The following CBFB variants were observed in gnomAD, a reference collection of about 807,000 sequenced individuals.
CBFB encodes the protein core-binding factor subunit beta, also known as CBF-beta.
A neutral mutation model predicts 30.4 loss-of-function variants in CBFB; 9 were observed. The ratio of observed to expected loss-of-function variants is 0.30; its 90% confidence interval spans 0.18 to 0.52. CBFB has a LOEUF of 0.52. Ranked by LOEUF, CBFB falls within the 20% of genes least tolerant of loss-of-function variation. The pLI is 0.97. For synonymous variants in CBFB, 94 were observed against 84.0 expected, an observed-to-expected ratio of 1.12 and a Z score of -0.65; for missense variants, 170 against 244.0, an observed-to-expected ratio of 0.70 and a Z score of 2.02.
intron 3 of CBFB, among the ~76,000 whole-genome samples, chr16:67,052,508 C>G (rs1266871898): frequency 6.6e-6 from 1 of 150,508 alleles, no homozygotes; most frequent in Non-Finnish European, 1.5e-5. Context: ...CCCAGGAGTT[C>G]AAGGCTGTAG....
intron 5 of CBFB, among the ~76,000 whole-genome samples, chr16:67,085,404 G>A (rs1218327609): frequency 1.3e-5 from 2 of 151,172 alleles, no homozygotes; most frequent in African/African-American, 2.4e-5. Context: ...ACCTGACCTC[G>A]GGTGATCTAC....
intron 3 of CBFB, among the ~76,000 whole-genome samples, chr16:67,065,524 G>T (rs1013944912): frequency 2.6e-5 from 4 of 152,088 alleles, no homozygotes; most frequent in African/African-American, 9.7e-5. Flanking sequence ...GCTTGGTTAA[G>T]TTTATTCATT....
chr16:67,095,690 GT>G (rs869266505), intron 5 of CBFB, among the ~76,000 whole-genome samples: 7,630 of 124,086 alleles, frequency 0.061, 231 homozygotes, highest in African/African-American at 0.13. Flanking sequence ...GACCTCATCT[GT>G]TTTTTTTTTT....
intron 3 of CBFB, among the ~76,000 whole-genome samples, chr16:67,054,039 C>T (rs1960642479): frequency 2.0e-5 from 3 of 152,052 alleles, no homozygotes; most frequent in Admixed American, 2.0e-4. Flanking sequence ...CTCAGAATGT[C>T]CATCTCTTCA....
intron 3 of CBFB, among the ~76,000 whole-genome samples, chr16:67,055,676 T>A (rs937259998): frequency 6.6e-6 from 1 of 152,180 alleles, no homozygotes; most frequent in Non-Finnish European, 1.5e-5. Flanking sequence ...TTCTTTAGTT[T>A]TTCATTTTAT....
intron 5 of CBFB, among the ~76,000 whole-genome samples, chr16:67,083,546 A>C (rs1257670643): frequency 6.6e-6 from 1 of 152,012 alleles, no homozygotes; most frequent in African/African-American, 2.4e-5. Flanking sequence ...CACCCACCTC[A>C]ACCTCCCAAA....
chr16:67,044,459 A>G (rs2145723149), intron 3 of CBFB, among the ~76,000 whole-genome samples: 1 of 152,344 alleles, frequency 6.6e-6, no homozygotes, highest in South Asian at 2.1e-4. Flanking sequence ...AATGTCAGAC[A>G]TCGAGAAGTA....
chr16:67,029,585 G>A, intron 1 of CBFB, 100 bp downstream of exon 1: 1 of 1,354,380 alleles, frequency 7.4e-7, no homozygotes, highest in South Asian at 1.3e-5. Context: ...GTCCCGGTCG[G>A]TGCGCCCGCG....
At position 67,100,393 on chromosome 16, in the gene CBFB, TATGC is replaced by T. The variant is rs1962185945; in HGVS notation, c.*1619_*1622del. Reference sequence around the variant, plus strand: ...AAAGTATTTGTTATATATTTGAAGTTATGCATGGAAAGGAGTGTGTTTAAATTGT... The same window carrying T: ...AAAGTATTTGTTATATATTTGAAGTTATGGAAAGGAGTGTGTTTAAATTGT... On this transcript the variant is annotated 3_prime_UTR_variant, in exon 6 of 6. Coordinates refer to ENST00000412916, the MANE Select transcript of CBFB (RefSeq NM_022845.3). 1 of 222,682 alleles carries T rather than the reference TATGC, an allele frequency of 4.5e-6. No individual in the cohort carries two copies. The highest frequency in any genetic ancestry group is 1.8e-4 in the South Asian group (1 of 5,412). The allele number at this position is 222,682 out of a possible 1,614,324, so 13.8% of individuals were successfully genotyped here.
intron 5 of CBFB, among the ~76,000 whole-genome samples, chr16:67,095,982 T>C (rs551638945): frequency 6.6e-6 from 1 of 151,644 alleles, no homozygotes; most frequent in Admixed American, 6.6e-5. Context: ...ATTGAGCCAT[T>C]GCACCCAGCC....
chr16:67,089,793 C>T (rs970691403), intron 5 of CBFB, among the ~76,000 whole-genome samples: 30 of 152,120 alleles, frequency 2.0e-4, no homozygotes, highest in African/African-American at 6.0e-4. Flanking sequence ...TGCCATATAG[C>T]ATTGAGAAAG....
At chr16:67,066,900 A>G (rs1961075920) in intron 4 of CBFB, 102 bp downstream of exon 4, 5 of 640,152 alleles carry the variant, frequency 7.8e-6, no homozygotes, top group Non-Finnish European at 1.4e-5. Flanking sequence ...AAGTATAGAA[A>G]GTATTGTGTT....
At chr16:67,060,086 C>A (rs1387519819) in intron 3 of CBFB, among the ~76,000 whole-genome samples, 1 of 151,722 alleles carries the variant, frequency 6.6e-6, no homozygotes, top group East Asian at 1.9e-4. Context: ...GTGATCCTCC[C>A]CACCTCAGTC....
At chr16:67,077,586 C>A (rs1961437694) in intron 4 of CBFB, among the ~76,000 whole-genome samples, 1 of 152,068 alleles carries the variant, frequency 6.6e-6, no homozygotes, top group South Asian at 2.1e-4. Context: ...ATCAGTGATA[C>A]CATTCTGGTC....
intron 3 of CBFB, among the ~76,000 whole-genome samples, chr16:67,065,287 T>C (rs1961021520): frequency 6.6e-6 from 1 of 152,234 alleles, no homozygotes; most frequent in South Asian, 2.1e-4. Flanking sequence ...TTTTAAAATT[T>C]ATTGGTACTT....
intron 3 of CBFB, among the ~76,000 whole-genome samples, chr16:67,043,400 G>C (rs1167469018): frequency 6.6e-6 from 1 of 152,194 alleles, no homozygotes; most frequent in Non-Finnish European, 1.5e-5. Flanking sequence ...TGTGGCTATA[G>C]AATATTTTCA....
intron 5 of CBFB, among the ~76,000 whole-genome samples, chr16:67,091,015 A>G (rs1306043603): frequency 2.0e-5 from 3 of 152,196 alleles, no homozygotes; most frequent in Non-Finnish European, 4.4e-5. Context: ...TTTCTTGTGT[A>G]TGGATAAATC....
At chr16:67,050,423 A>G (rs1450136537) in intron 3 of CBFB, among the ~76,000 whole-genome samples, 1 of 151,842 alleles carries the variant, frequency 6.6e-6, no homozygotes, top group African/African-American at 2.4e-5. Context: ...TTTCCTATAC[A>G]GATATACATA....
intron 3 of CBFB, among the ~76,000 whole-genome samples, chr16:67,053,016 A>G (rs1267980462): frequency 6.6e-6 from 1 of 151,638 alleles, no homozygotes; most frequent in Admixed American, 6.6e-5. Context: ...CTCAAAAAAA[A>G]AAAAAAGAAA....
Sources: gnomAD v4.1 joint callset for allele counts (sites outside exome capture counted in the v4.1 genomes callset) on GRCh38, gnomAD v4.1.1 for gene constraint, MANE v1.5 for transcripts, NCBI Gene and HGNC (gene_info 2026-07-23, HGNC 2026-07-21) for gene names.